The following C3orf85 variants were observed in gnomAD, a reference collection of about 807,000 sequenced individuals.
The protein encoded by C3orf85 is uncharacterized protein C3orf85.
A neutral mutation model predicts 1.7 loss-of-function variants in C3orf85; 1 was observed. That is an observed-to-expected ratio of 0.60 (90% CI 0.21 to 2.86). C3orf85 has a LOEUF of 2.86. Ranked by LOEUF, C3orf85 falls within the 30% of genes most tolerant of loss-of-function variation. The probability of loss-of-function intolerance (pLI) is 0.22; values close to 1 mark genes in which losing one functional copy is unlikely to be tolerated. For synonymous variants in C3orf85, 17 were observed against 8.0 expected, an observed-to-expected ratio of 2.13 and a Z score of -1.90; for missense variants, 29 against 21.3, an observed-to-expected ratio of 1.36 and a Z score of -0.72.
chr3:109,143,278 T>C (rs59989038), intron 2 of C3orf85, among the ~76,000 whole-genome samples: 3,615 of 152,300 alleles, frequency 0.024, 128 homozygotes, highest in African/African-American at 0.071. Flanking sequence ...CTACCACAAG[T>C]ATCATTTCAA....
At chr3:109,141,234 A>C (rs1576773231) in intron 2 of C3orf85, among the ~76,000 whole-genome samples, 1 of 152,056 alleles carries the variant, frequency 6.6e-6, no homozygotes, top group East Asian at 1.9e-4. Flanking sequence ...TGATCCACCC[A>C]CCTTGGCTTC....
At chr3:109,147,586 C>A (rs1706814091) in intron 2 of C3orf85, among the ~76,000 whole-genome samples, 1 of 152,138 alleles carries the variant, frequency 6.6e-6, no homozygotes, top group South Asian at 2.1e-4. Context: ...ATCTCAAGAT[C>A]TTTAAAAAGT....
At chr3:109,145,634 C>T (rs1002546571) in intron 2 of C3orf85, among the ~76,000 whole-genome samples, 5 of 152,138 alleles carry the variant, frequency 3.3e-5, no homozygotes, top group East Asian at 3.8e-4. Flanking sequence ...TTTTATGTTA[C>T]GCATATTTTA....
chr3:109,136,868 A>T lies in C3orf85; in HGVS notation c.21A>T (p.Gln7His), dbSNP rs561905285. The T allele has an allele frequency of 2.3e-6, 1 of 426,770 alleles. No individual in the cohort carries two copies. The highest frequency in any genetic ancestry group is 7.2e-5 in the South Asian group (1 of 13,888). The allele number at this position is 426,770 out of a possible 1,614,324, so 26.4% of individuals were successfully genotyped here. Residue 7 changes from glutamine to histidine, a missense_variant, in exon 2 of 4, where the codon CAA (glutamine) becomes CAT (histidine). Physicochemically the swap from Gln to His is conservative, Grantham distance 24. Transcript: ENST00000622536. MAYKML[Q>H]VVLCSTLLIG... ...GGATCATGGCCTATAAAATGCTTCA[A>T]GTAGTCCTGTGCTCAACATTGCTTA... is the stretch of plus-strand genomic sequence containing the variant.
intron 2 of C3orf85, among the ~76,000 whole-genome samples, chr3:109,147,601 A>G (rs1706814243): frequency 6.6e-6 from 1 of 152,180 alleles, no homozygotes; most frequent in Non-Finnish European, 1.5e-5. Context: ...AAAAGTCTGG[A>G]TTTTTAAAAA....
In C3orf85 at chr3:109,148,190, G is replaced by GGAAA. The variant is rs1706821004; in HGVS notation, c.50-62_50-59dup. ...AGATCACAGCTGGGTCTCTTGAAGA[G>GGAAA]GAAACATTGAGATGTAAACTATTGC... On this transcript the variant is annotated intron_variant, in intron 2 of 3. Coordinates refer to ENST00000622536, the MANE Select transcript of C3orf85 (RefSeq NM_001351622.2). The GGAAA allele has an allele frequency of 4.6e-6, 3 of 654,570 alleles. No individual in the cohort carries two copies. The Admixed American group carries it at 6.8e-5, about 15-fold the overall frequency. The allele number at this position is 654,570 out of a possible 1,614,324, so 40.5% of individuals were successfully genotyped here.
Position 109,149,976 on chromosome 3 carries a change from T to A in C3orf85, c.*82T>A. ...GTGCCAAAACCATGGGTTTTAGAGA[T>A]CTGAGGGTATATCCATGCTGTTTAC... On this transcript the variant is annotated 3_prime_UTR_variant, in exon 4 of 4. Transcript: ENST00000622536. 2.5e-6 allele frequency: 1 copy of A among 395,830 alleles called. No homozygotes were observed. Among genetic ancestry groups the A allele is most frequent in the Non-Finnish European group, 4.5e-6 (1 of 224,064 alleles). 24.5% of individuals were successfully genotyped at this position (395,830 alleles called of 1,614,324 possible). A position where few individuals can be genotyped will look rare whatever the true frequency, so the allele number is the denominator to read the frequency against.
At position 109,144,480 on chromosome 3, in the gene C3orf85, G is replaced by T. The variant is rs1363398415; in HGVS notation, c.50-3773G>T. ...ATCAATTAAGATTTATTGGATGCCT[G>T]TCGGGCTTATAATGCTGAGGTAGGT... On this transcript the variant is annotated intron_variant, in intron 2 of 3. Coordinates refer to ENST00000622536, the MANE Select transcript of C3orf85 (RefSeq NM_001351622.2). 2.0e-5 allele frequency among the ~76,000 whole-genome samples: 3 copies of T among 152,168 alleles called. 1 individual carries two copies. In the East Asian group the frequency reaches 5.8e-4, roughly 29 times the overall value.
At chr3:109,139,724 G>C (rs970000439) in intron 2 of C3orf85, among the ~76,000 whole-genome samples, 2 of 152,100 alleles carry the variant, frequency 1.3e-5, no homozygotes, top group Admixed American at 1.3e-4. Context: ...ACGATTTGGG[G>C]GTCCATGCCC....
chr3:109,137,637 G>GTGTGTATATATATAAA (rs751674362), intron 2 of C3orf85, among the ~76,000 whole-genome samples: 1 of 79,896 alleles, frequency 1.3e-5, no homozygotes, highest in Non-Finnish European at 2.6e-5. Context: ...GTGTGTGTGT[G>GTGTGTATATATATAAA]TATATATATA....
At chr3:109,139,729 A>G (rs1481331208) in intron 2 of C3orf85, among the ~76,000 whole-genome samples, 1 of 152,204 alleles carries the variant, frequency 6.6e-6, no homozygotes, top group Non-Finnish European at 1.5e-5. Context: ...TTGGGGGTCC[A>G]TGCCCATATT....
chr3:109,143,087 T>C (rs1194644995), intron 2 of C3orf85, among the ~76,000 whole-genome samples: 1 of 152,162 alleles, frequency 6.6e-6, no homozygotes, highest in Non-Finnish European at 1.5e-5. Flanking sequence ...GATTTACAAA[T>C]TAAGTGAAGC....
chr3:109,145,474 A>C lies in C3orf85; in HGVS notation c.50-2779A>C, dbSNP rs191737450. On this transcript the variant is annotated intron_variant, in intron 2 of 3. Coordinates refer to ENST00000622536, the MANE Select transcript of C3orf85 (RefSeq NM_001351622.2). Reference sequence around the variant, plus strand: ...GAATAGTAGTTACCAGGGGTTGGGGAGGGGTTAATGCGGAGTTGTTTAAAG... The same window carrying C: ...GAATAGTAGTTACCAGGGGTTGGGGCGGGGTTAATGCGGAGTTGTTTAAAG... 3.9e-3 allele frequency among the ~76,000 whole-genome samples: 596 copies of C among 152,178 alleles called. 4 individuals carry two copies. The highest frequency in any genetic ancestry group is 0.013 in the African/African-American group (559 of 41,552).
rs74594636 is a variant in C3orf85, at chr3:109,151,109, T to A, written c.*1215T>A. Among the ~76,000 whole-genome samples the A allele has an allele frequency of 6.6e-6, 1 of 152,308 alleles. No individual in the cohort carries two copies. Among genetic ancestry groups the A allele is most frequent in the East Asian group, 1.9e-4 (1 of 5,180 alleles). ...TAAGTTAACTGCTATCCATTTCCAA[T>A]AAATATGAACATAGATTTTTAAATT... is the stretch of plus-strand genomic sequence containing the variant. On this transcript the variant is annotated 3_prime_UTR_variant, in exon 4 of 4. Coordinates refer to ENST00000622536, the MANE Select transcript of C3orf85 (RefSeq NM_001351622.2).
chr3:109,137,637 G>GTGTGTCTATATATATATATA (rs751674362), intron 2 of C3orf85, among the ~76,000 whole-genome samples: 1 of 79,896 alleles, frequency 1.3e-5, no homozygotes, highest in Non-Finnish European at 2.6e-5. Context: ...GTGTGTGTGT[G>GTGTGTCTATATATATATATA]TATATATATA....
intron 2 of C3orf85, among the ~76,000 whole-genome samples, chr3:109,139,611 G>A (rs1169290331): frequency 3.3e-5 from 5 of 152,002 alleles, no homozygotes; most frequent in Non-Finnish European, 7.4e-5. Flanking sequence ...TTTTTTAAAG[G>A]ATTGCTTTCA....
In C3orf85 at chr3:109,136,907, A is replaced by C. The variant is rs1706683279; in HGVS notation, c.49+11A>C. 1 of 414,958 alleles carries C rather than the reference A, an allele frequency of 2.4e-6. No individual in the cohort carries two copies. The highest frequency in any genetic ancestry group is 4.3e-6 in the Non-Finnish European group (1 of 232,562). The allele number at this position is 414,958 out of a possible 1,614,324, so 25.7% of individuals were successfully genotyped here. A position where few individuals can be genotyped will look rare whatever the true frequency, so the allele number is the denominator to read the frequency against. ...CAACATTGCTTATCGGTAAGAGCCTATTTCTTTTTTATTTATCATGTCTCC... is the reference window on the plus strand; with the variant it reads ...CAACATTGCTTATCGGTAAGAGCCTCTTTCTTTTTTATTTATCATGTCTCC... On this transcript the variant is annotated intron_variant, in intron 2 of 3. Coordinates refer to ENST00000622536, the MANE Select transcript of C3orf85 (RefSeq NM_001351622.2).
chr3:109,147,938 G>T (rs78152272), intron 2 of C3orf85, among the ~76,000 whole-genome samples: 1 of 152,078 alleles, frequency 6.6e-6, no homozygotes, highest in African/African-American at 2.4e-5. Flanking sequence ...AACTTTCCCC[G>T]AAAAGTGATA....
At chr3:109,143,083 C>A (rs907167212) in intron 2 of C3orf85, among the ~76,000 whole-genome samples, 1 of 152,148 alleles carries the variant, frequency 6.6e-6, no homozygotes. Context: ...CTTGGATTTA[C>A]AAATTAAGTG....
Sources: allele counts gnomAD v4.1 joint callset (sites outside exome capture counted in the v4.1 genomes callset), GRCh38; gene constraint gnomAD v4.1.1; transcripts MANE v1.5; gene names NCBI Gene and HGNC (gene_info 2026-07-23, HGNC 2026-07-21).